RPN1: variants seen among roughly 807,000 people sequenced by gnomAD.
RPN1 encodes dolichyl-diphosphooligosaccharide--protein glycosyltransferase subunit 1.
A neutral mutation model predicts 55.5 loss-of-function variants in RPN1; 12 were observed. The ratio of observed to expected loss-of-function variants is 0.22; its 90% confidence interval spans 0.14 to 0.35. The LOEUF (loss-of-function observed/expected upper bound fraction) is 0.35. RPN1 is among the 10% of genes least tolerant of loss of function. The pLI is 1.00. For missense variants in RPN1, 679 were observed against 761.3 expected (o/e 0.89, Z 1.27); for synonymous variants, 317 against 305.9 (o/e 1.04, Z -0.38).
chr3:128,650,754 G>C lies in RPN1; in HGVS notation c.47C>G (p.Thr16Ser), dbSNP rs144093169. The C allele has an allele frequency of 1.7e-3, 2,676 of 1,550,292 alleles. 38 individuals are homozygous for C. In the African/African-American group the frequency reaches 0.03, roughly 17 times the overall value. ...AGLFLLLLLGTWAPAPGSASS... is the reference protein window; with the variant it reads ...AGLFLLLLLGSWAPAPGSASS... The stretch of plus-strand genomic sequence containing the variant: ...GGCGCTGCCCGGCGCCGGGGCCCAA[G>C]TCCCAAGCAACAGGAGCAGAAACAA... Residue 16 changes from threonine (T) to serine (S), a missense_variant, in exon 1 of 10, where the codon ACT becomes AGT. This residue lies in a region of RPN1 where 352 missense variants were observed against 352.8 expected (regional missense o/e 1.00). Transcript: ENST00000296255.
At position 128,620,694 on chromosome 3, in the gene RPN1, G is replaced by A; in HGVS notation, c.1642-101C>T. The A allele has an allele frequency of 2.4e-6, 3 of 1,257,912 alleles. No individual in the cohort carries two copies. In the South Asian group the frequency reaches 4.2e-5, roughly 18 times the overall value. 77.9% of individuals were successfully genotyped at this position (1,257,912 alleles called of 1,614,324 possible). The stretch of plus-strand genomic sequence containing the variant: ...GCCTACAGACCCCAGAGCTCCACAG[G>A]TATCAGCCACAAATGCAGCCAACAG... On this transcript the variant is annotated intron_variant, in intron 9 of 9. Transcript: ENST00000296255.
chr3:128,644,929 T>C lies in RPN1; in HGVS notation c.316A>G (p.Lys106Glu). The part of the protein sequence containing the change: ...NNLEVRETKI[K>E]GKSGRFFTVK... The stretch of plus-strand genomic sequence containing the variant: ...TGTTTGTCAGCTTACCTTTTACCCT[T>C]AATTTTGGTTTCACGTACTTCCAAA... The change falls in exon 2 of 10, where the codon AAG (lysine) becomes GAG (glutamate). Residue 106 changes from lysine to glutamate, a missense_variant. By Grantham distance (56) the Lys-to-Glu change is moderately conservative (BLOSUM62 1). This residue lies in a region of RPN1 where 352 missense variants were observed against 352.8 expected (regional missense o/e 1.00). Coordinates refer to ENST00000296255, the MANE Select transcript of RPN1 (RefSeq NM_002950.4). The C allele has an allele frequency of 6.5e-7, 1 of 1,547,548 alleles. No homozygotes were observed. The highest frequency in any genetic ancestry group is 8.9e-7 in the Non-Finnish European group (1 of 1,119,286).
chr3:128,635,642 T>TATATATATATAG, intron 3 of RPN1, among the ~76,000 whole-genome samples: 1 of 8,064 alleles, frequency 1.2e-4, no homozygotes, highest in Non-Finnish European at 4.0e-4. Context: ...TATATATAGA[T>TATATATATATAG]ATATATATAT....
chr3:128,645,093 G>C (rs2069756651), intron 1 of RPN1, 110 bp from the exon 2 acceptor site: 3 of 660,106 alleles, frequency 4.5e-6, no homozygotes, highest in East Asian at 5.3e-5. Flanking sequence ...CAAACTATCA[G>C]AACTTTTTAG....
intron 9 of RPN1, among the ~76,000 whole-genome samples, 193 bp downstream of exon 9, chr3:128,621,971 C>T (rs1009605060): frequency 1.3e-5 from 2 of 152,228 alleles, no homozygotes; most frequent in African/African-American, 4.8e-5. Flanking sequence ...CCTCCACACC[C>T]AGCTCACACC....
At chr3:128,626,997 A>AC (rs1322388035) in intron 5 of RPN1, 165 bp from the exon 6 acceptor site, 1 of 609,722 alleles carries the variant, frequency 1.6e-6, no homozygotes, top group Non-Finnish European at 2.9e-6. Flanking sequence ...TCTCTACTGA[A>AC]CCCCACAACA....
intron 3 of RPN1, among the ~76,000 whole-genome samples, chr3:128,632,659 A>G (rs1576794975): frequency 1.3e-5 from 2 of 151,846 alleles, no homozygotes; most frequent in African/African-American, 4.9e-5. Flanking sequence ...CAATGGTACA[A>G]CCTCAGCTCA....
chr3:128,633,647 GTT>G (rs1202400872), intron 3 of RPN1, among the ~76,000 whole-genome samples: 1 of 152,128 alleles, frequency 6.6e-6, no homozygotes, highest in Non-Finnish European at 1.5e-5. Context: ...GAAAAAAACT[GTT>G]TAACTATAGA....
chr3:128,638,167 A>G (rs1396785062), intron 2 of RPN1, 62 bp from the exon 3 acceptor site: 1 of 1,298,580 alleles, frequency 7.7e-7, no homozygotes, highest in Non-Finnish European at 1.1e-6. Flanking sequence ...CAGTAGTAGC[A>G]GTTCAAAGTC....
rs2069690408 is a variant in RPN1 at position 128,637,657 on chromosome 3, C to G, written c.633+142G>C. On this transcript the variant is annotated intron_variant, in intron 3 of 9. Transcript: ENST00000296255. ...AGACCCCCATGGAGTCATTTCACTG[C>G]AGGTTAAACACTTTTGGGATGACCT... 5.1e-6 allele frequency: 4 copies of G among 791,278 alleles called. No homozygotes were observed. In the South Asian group the frequency reaches 5.2e-5, roughly 10 times the overall value. The allele number at this position is 791,278 out of a possible 1,614,324, so 49.0% of individuals were successfully genotyped here. A position where few individuals can be genotyped will look rare whatever the true frequency, so the allele number is the denominator to read the frequency against.
At chr3:128,640,234 T>C (rs2069715254) in intron 2 of RPN1, among the ~76,000 whole-genome samples, 1 of 152,148 alleles carries the variant, frequency 6.6e-6, no homozygotes, top group Non-Finnish European at 1.5e-5. Flanking sequence ...GTACTAATTC[T>C]AAACTGAATC....
intron 5 of RPN1, chr3:128,627,129 C>G: frequency 2.7e-6 from 1 of 369,310 alleles, no homozygotes; most frequent in Non-Finnish European, 5.2e-6. Flanking sequence ...CAGCAGAACC[C>G]CAAAACACAC....
At chr3:128,626,604 T>A (rs1008032975) in intron 6 of RPN1, 129 bp downstream of exon 6, 5 of 747,638 alleles carry the variant, frequency 6.7e-6, no homozygotes, top group Admixed American at 2.3e-5. Flanking sequence ...AAGTAGATGT[T>A]CCCTGATAAA....
intron 2 of RPN1, among the ~76,000 whole-genome samples, 171 bp from the exon 3 acceptor site, chr3:128,638,276 C>A (rs2069696422): frequency 6.6e-6 from 1 of 152,172 alleles, no homozygotes. Flanking sequence ...GGCTGGAGTG[C>A]AATGGTGCGA....
At chr3:128,625,486 T>C (rs201550935) in intron 8 of RPN1, 48 bp downstream of exon 8, 1 of 1,613,410 alleles carries the variant, frequency 6.2e-7, no homozygotes, top group East Asian at 2.2e-5. Context: ...GCTGGTGAAA[T>C]ATTACCAAGG....
At chr3:128,631,305 C>G (rs1191151068) in intron 4 of RPN1, among the ~76,000 whole-genome samples, 1 of 151,466 alleles carries the variant, frequency 6.6e-6, no homozygotes, top group Non-Finnish European at 1.5e-5. Context: ...GAAACCCTGT[C>G]TCTACTAAAA....
intron 1 of RPN1, among the ~76,000 whole-genome samples, chr3:128,650,331 C>T (rs769135831): frequency 6.6e-6 from 1 of 152,158 alleles, no homozygotes; most frequent in Admixed American, 6.5e-5. Context: ...GGCGGGCGCG[C>T]ACCGGGGGCA....
At chr3:128,640,259 G>A (rs2107719893) in intron 2 of RPN1, among the ~76,000 whole-genome samples, 1 of 152,260 alleles carries the variant, frequency 6.6e-6, no homozygotes, top group East Asian at 1.9e-4. Flanking sequence ...TTCCAAGCCA[G>A]GAGAACAATT....
In RPN1 at chr3:128,622,170, G is replaced by T; in HGVS notation, c.1635C>A (p.Cys545Ter). 1 of 1,613,998 alleles carries T rather than the reference G, an allele frequency of 6.2e-7. No individual in the cohort carries two copies. The highest frequency in any genetic ancestry group is 8.5e-7 in the Non-Finnish European group (1 of 1,179,902). ...SRLKTEGSDL[C>*]DRVSEMQKLD... ...TGTGACGCCCGACACTTACTCTGTCGCACAGATCAGAGCCCTCTGTCTTCA... is the reference window on the plus strand; with the variant it reads ...TGTGACGCCCGACACTTACTCTGTCTCACAGATCAGAGCCCTCTGTCTTCA... The change falls in exon 9 of 10, where the codon TGC becomes TGA. Residue 545 changes from cysteine (C) to a stop codon, truncating the protein, a stop_gained. Transcript: ENST00000296255. LOFTEE classifies it high-confidence loss of function.
Sources: gnomAD v4.1 joint callset for allele counts (sites outside exome capture counted in the v4.1 genomes callset) on GRCh38, gnomAD v4.1.1 for gene constraint, gnomAD v4.1.1 regional missense constraint, MANE v1.5 for transcripts, NCBI Gene and HGNC (gene_info 2026-07-23, HGNC 2026-07-21) for gene names.